NOMO2: variants seen among roughly 807,000 people sequenced by gnomAD.
The protein encoded by NOMO2 is BOS complex subunit NOMO2.
NOMO2 carries 14 observed loss-of-function variants against 67.1 expected under a neutral mutation model. That is an observed-to-expected ratio of 0.21 (90% CI 0.14 to 0.33). The LOEUF (loss-of-function observed/expected upper bound fraction) is 0.33, where lower values mean the gene tolerates loss of function less well. Ranked by LOEUF, NOMO2 falls within the 10% of genes least tolerant of loss-of-function variation. The pLI is 1.00. For synonymous variants in NOMO2, 80 were observed against 305.9 expected (o/e 0.26, Z 7.71); for missense variants, 178 against 761.0 (o/e 0.23, Z 9.01).
chr16:18,548,733 T>C (rs1295003463), intron 5 of NOMO2, among the ~76,000 whole-genome samples: 1 of 151,514 alleles, frequency 6.6e-6, no homozygotes, highest in Non-Finnish European at 1.5e-5. Flanking sequence ...ATTAATTTCA[T>C]CTTTCCAGTA....
At chr16:18,539,729 G>A (rs1017142435) in intron 9 of NOMO2, among the ~76,000 whole-genome samples, 5 of 151,526 alleles carry the variant, frequency 3.3e-5, no homozygotes, top group African/African-American at 4.8e-5. Context: ...CCTGTGTGAC[G>A]CAGCAAGACT....
rs777398188 is a variant in NOMO2, at chr16:18,533,133, C to T, written c.1267G>A (p.Val423Ile). Residue 423 changes from valine (V) to isoleucine (I), a missense_variant, in exon 12 of 31, where the codon GTC becomes ATC. By Grantham distance (29) the Val-to-Ile change is conservative. Coordinates refer to ENST00000622306, the MANE Select transcript of NOMO2 (RefSeq NM_173614.4). ...RISIIRFPDT[V>I]KQMNKYKVVL... ...ACTTTGTATTTATTCATCTGCTTGA[C>T]GGTGTCCGGGAAGCGAATGATTGAT... The T allele has an allele frequency of 1.3e-5, 21 of 1,611,318 alleles. No homozygotes were observed. Among genetic ancestry groups the T allele is most frequent in the South Asian group, 5.5e-5 (5 of 90,918 alleles).
chr16:18,554,372 C>T (rs1901857689), intron 3 of NOMO2, among the ~76,000 whole-genome samples: 1 of 151,824 alleles, frequency 6.6e-6, no homozygotes, highest in African/African-American at 2.4e-5. Flanking sequence ...ACAGTCTTCT[C>T]ATCTCATGGG....
intron 4 of NOMO2, among the ~76,000 whole-genome samples, chr16:18,550,684 G>A (rs1901764348): frequency 6.6e-6 from 1 of 152,004 alleles, no homozygotes; most frequent in South Asian, 2.1e-4. Context: ...CACCGTGGCG[G>A]TCCAAAAAAA....
At chr16:18,551,002 AC>A (rs1279310085) in intron 4 of NOMO2, among the ~76,000 whole-genome samples, 1 of 151,194 alleles carries the variant, frequency 6.6e-6, no homozygotes, top group African/African-American at 2.4e-5. Flanking sequence ...TACTGAAAAT[AC>A]AAAAATTAGC....
chr16:18,528,262 CAAA>C (rs1185348575), intron 15 of NOMO2, among the ~76,000 whole-genome samples: 1 of 67,168 alleles, frequency 1.5e-5, no homozygotes, highest in Non-Finnish European at 3.1e-5. Flanking sequence ...AAGGAAGTGT[CAAA>C]AAAAAAAAAA....
intron 3 of NOMO2, among the ~76,000 whole-genome samples, chr16:18,554,221 A>G (rs1901854327): frequency 6.6e-6 from 1 of 151,940 alleles, no homozygotes; most frequent in South Asian, 2.1e-4. Context: ...AGCCCCTCTG[A>G]ACACTCAGTA....
chr16:18,541,980 G>T (rs1450816564), intron 9 of NOMO2, among the ~76,000 whole-genome samples, 192 bp downstream of exon 9: 1 of 40,256 alleles, frequency 2.5e-5, no homozygotes, highest in African/African-American at 8.5e-5. Context: ...TTCATTGAAT[G>T]AGTAGATTTA....
chr16:18,553,592 G>A (rs1901838835), intron 3 of NOMO2, among the ~76,000 whole-genome samples: 1 of 150,190 alleles, frequency 6.7e-6, no homozygotes, highest in Non-Finnish European at 1.5e-5. Flanking sequence ...TCATCTGGAT[G>A]GTGGATACAT....
intron 5 of NOMO2, among the ~76,000 whole-genome samples, chr16:18,549,301 T>C (rs1165173859): frequency 6.7e-6 from 1 of 149,750 alleles, no homozygotes; most frequent in African/African-American, 2.4e-5. Flanking sequence ...TATGAACTCA[T>C]ATTTAATCAT....
intron 6 of NOMO2, among the ~76,000 whole-genome samples, chr16:18,544,155 A>C (rs2141740895): frequency 6.6e-6 from 1 of 152,030 alleles, no homozygotes; most frequent in East Asian, 1.9e-4. Context: ...CAGCCTCCCA[A>C]AGTGCTGGGA....
intron 7 of NOMO2, among the ~76,000 whole-genome samples, chr16:18,543,173 A>G (rs1430401778): frequency 1.8e-4 from 26 of 141,646 alleles, no homozygotes; most frequent in African/African-American, 6.7e-4. Context: ...GACACATGAT[A>G]TTCTTGAATT....
At chr16:18,528,913 A>G (rs1901216252) in intron 15 of NOMO2, among the ~76,000 whole-genome samples, 1 of 141,316 alleles carries the variant, frequency 7.1e-6, no homozygotes, top group Non-Finnish European at 1.5e-5. Flanking sequence ...GGTTTCAGTG[A>G]GCCGAGATTG....
chr16:18,560,346 A>G (rs1057028197), intron 1 of NOMO2, among the ~76,000 whole-genome samples: 18 of 151,384 alleles, frequency 1.2e-4, no homozygotes, highest in Admixed American at 6.6e-5. Context: ...CACTATTAGT[A>G]TGAGGGTGAG....
chr16:18,556,847 C>T (rs1389812689), intron 2 of NOMO2, among the ~76,000 whole-genome samples: 1 of 151,906 alleles, frequency 6.6e-6, no homozygotes, highest in Non-Finnish European at 1.5e-5. Flanking sequence ...ATAAGAGGGC[C>T]GGAAACATCG....
chr16:18,560,928 G>A (rs1902023347), intron 1 of NOMO2, among the ~76,000 whole-genome samples: 1 of 150,632 alleles, frequency 6.6e-6, no homozygotes, highest in Non-Finnish European at 1.5e-5. Flanking sequence ...GCATTTCCCA[G>A]CCTCTTCCTT....
intron 1 of NOMO2, among the ~76,000 whole-genome samples, chr16:18,559,989 T>C (rs910718920): frequency 3.9e-5 from 6 of 151,956 alleles, no homozygotes; most frequent in African/African-American, 1.4e-4. Flanking sequence ...GGCTTCAGTA[T>C]GTGCCGGGGC....
intron 1 of NOMO2, among the ~76,000 whole-genome samples, chr16:18,561,173 T>TTAA (rs1341838856): frequency 3.1e-5 from 1 of 32,452 alleles, no homozygotes; most frequent in African/African-American, 1.2e-4. Context: ...ACAACTTAAT[T>TTAA]AAAAAAAAAA....
chr16:18,560,929 C>T (rs1902023420), intron 1 of NOMO2, among the ~76,000 whole-genome samples: 1 of 150,778 alleles, frequency 6.6e-6, no homozygotes, highest in Non-Finnish European at 1.5e-5. Flanking sequence ...CATTTCCCAG[C>T]CTCTTCCTTC....
Sources: gnomAD v4.1 joint callset for allele counts (sites outside exome capture counted in the v4.1 genomes callset) on GRCh38, gnomAD v4.1.1 for gene constraint, MANE v1.5 for transcripts, NCBI Gene and HGNC (gene_info 2026-07-23, HGNC 2026-07-21) for gene names.